UTP6: variants seen among roughly 807,000 people sequenced by gnomAD.
The protein encoded by UTP6 is UTP6 small subunit processome component, also known as U3 small nucleolar RNA-associated protein 6 homolog.
In UTP6, 60 loss-of-function variants were observed where a neutral mutation model predicts 96.5. The ratio of observed to expected loss-of-function variants is 0.62; its 90% CI spans 0.51 to 0.77. The LOEUF is 0.77. UTP6 is among the 30% of genes least tolerant of loss of function. The pLI, the probability that UTP6 is intolerant of heterozygous loss-of-function variation, is 0.00. For synonymous variants in UTP6, 215 were observed against 240.1 expected (o/e 0.90, Z 0.96); for missense variants, 637 against 706.5 (o/e 0.90, Z 1.12).
intron 2 of UTP6, among the ~76,000 whole-genome samples, chr17:31,895,313 A>G (rs1644991332): frequency 6.6e-6 from 1 of 152,200 alleles, no homozygotes; most frequent in Non-Finnish European, 1.5e-5. Context: ...ACATTGCACT[A>G]CATTTGCTTC....
At chr17:31,873,944 T>C in intron 14 of UTP6, 191 bp from the exon 15 acceptor site, 1 of 571,332 alleles carries the variant, frequency 1.8e-6, no homozygotes, top group Admixed American at 3.7e-5. Context: ...TAGGGATTCA[T>C]TCCCAAACAG....
chr17:31,863,234 T>A lies in UTP6; in HGVS notation c.*125A>T. The A allele has an allele frequency of 1.0e-6, 1 of 960,610 alleles. No homozygotes were observed. The highest frequency in any genetic ancestry group is 1.6e-6 in the Non-Finnish European group (1 of 637,328). 59.5% of individuals were successfully genotyped at this position (960,610 alleles called of 1,614,324 possible). ...AACAAGTTAACATAAAATTAAAGTG[T>A]GTCTCAAAACCAGACAGCCATCTTG... On this transcript the variant is annotated 3_prime_UTR_variant, in exon 19 of 19. Transcript: ENST00000261708.
intron 17 of UTP6, among the ~76,000 whole-genome samples, chr17:31,867,531 G>C (rs887476129): frequency 6.7e-6 from 1 of 150,044 alleles, no homozygotes; most frequent in Non-Finnish European, 1.5e-5. Context: ...AAAGTAACAT[G>C]TAAGTTTTCT....
chr17:31,882,021 G>C (rs1006908172), intron 10 of UTP6, among the ~76,000 whole-genome samples: 2 of 151,958 alleles, frequency 1.3e-5, no homozygotes, highest in African/African-American at 4.8e-5. Flanking sequence ...TCGTTTGTGT[G>C]TGTGTGTGTG....
intron 1 of UTP6, among the ~76,000 whole-genome samples, chr17:31,900,714 C>T (rs1022389199): frequency 5.3e-5 from 8 of 152,258 alleles, no homozygotes; most frequent in Admixed American, 2.0e-4. Context: ...ATCTAAATTG[C>T]GTCTGCCTTA....
rs768539788 is a variant in UTP6, at chr17:31,865,409, T to C, written c.1593A>G (p.Glu531=). 30 of 1,613,926 alleles carry C rather than the reference T, an allele frequency of 1.9e-5. No individual in the cohort carries two copies. The highest frequency in any genetic ancestry group is 2.5e-5 in the Non-Finnish European group (29 of 1,179,952). The part of the protein sequence containing the change: ...QESCNMANIR[E]YYERALREFG... ...ACTCTCTCAAAGCTCTCTCATAATATTCTCTTATGTTCGCCATATTGCAGG... is the reference window on the plus strand; with the variant it reads ...ACTCTCTCAAAGCTCTCTCATAATACTCTCTTATGTTCGCCATATTGCAGG... Residue 531 remains glutamate, a synonymous_variant, in exon 18 of 19, where the codon GAA becomes GAG. Coordinates refer to ENST00000261708, the MANE Select transcript of UTP6 (RefSeq NM_018428.3).
At chr17:31,889,214 G>GA (rs879076492) in intron 7 of UTP6, 71 bp downstream of exon 7, 2,092 of 1,187,716 alleles carry the variant, frequency 1.8e-3, no homozygotes, top group South Asian at 2.4e-3. Context: ...TTGAATCCAG[G>GA]AAAAAAAAAT....
chr17:31,867,915 C>G, intron 17 of UTP6, 131 bp downstream of exon 17: 1 of 740,852 alleles, frequency 1.3e-6, no homozygotes, highest in South Asian at 1.8e-5. Context: ...CAAGATCACG[C>G]CACTGCACTC....
At chr17:31,894,059 A>G (rs1023126857) in intron 4 of UTP6, among the ~76,000 whole-genome samples, 1 of 151,774 alleles carries the variant, frequency 6.6e-6, no homozygotes, top group Non-Finnish European at 1.5e-5. Context: ...ACTTGAGCCC[A>G]GGAGTTCGAG....
At chr17:31,894,883 A>G (rs1904542248) in intron 3 of UTP6, 87 bp downstream of exon 3, 2 of 1,340,764 alleles carry the variant, frequency 1.5e-6, no homozygotes, top group Non-Finnish European at 2.1e-6. Context: ...TTTTATCAAC[A>G]CTGTCTCCCA....
chr17:31,866,050 T>C (rs1190811625), intron 17 of UTP6, among the ~76,000 whole-genome samples: 1 of 152,044 alleles, frequency 6.6e-6, no homozygotes, highest in Non-Finnish European at 1.5e-5. Context: ...AATGTATTCT[T>C]GCCGGGCACG....
At chr17:31,890,283 A>G (rs1911414465) in intron 6 of UTP6, among the ~76,000 whole-genome samples, 1 of 151,792 alleles carries the variant, frequency 6.6e-6, no homozygotes, top group African/African-American at 2.4e-5. Flanking sequence ...GGCATAAGCC[A>G]CCGTGCCTGG....
At chr17:31,901,449 G>T in intron 1 of UTP6, 87 bp downstream of exon 1, 2 of 1,239,248 alleles carry the variant, frequency 1.6e-6, no homozygotes, top group Non-Finnish European at 1.2e-6. Context: ...AACACAGGTC[G>T]AGCGTCCCCA....
chr17:31,900,011 G>T (rs544279802), intron 1 of UTP6, among the ~76,000 whole-genome samples: 1 of 151,878 alleles, frequency 6.6e-6, no homozygotes, highest in Non-Finnish European at 1.5e-5. Flanking sequence ...GGGCGTGGTG[G>T]TGCGTGCCTG....
At chr17:31,889,553 G>C (rs1198091802) in intron 6 of UTP6, 150 bp from the exon 7 acceptor site, 1 of 541,232 alleles carries the variant, frequency 1.8e-6, no homozygotes, top group African/African-American at 2.0e-5. Flanking sequence ...CTGGAGTGCA[G>C]TGACGCAATC....
intron 5 of UTP6, 111 bp downstream of exon 5, chr17:31,892,636 C>T: frequency 7.5e-7 from 1 of 1,337,944 alleles, no homozygotes; most frequent in South Asian, 1.3e-5. Context: ...TTCTTGGGTT[C>T]TTTTTTCATG....
In UTP6 at chr17:31,875,376, G is replaced by T. The variant is rs751261814; in HGVS notation, c.1163C>A (p.Ala388Asp). Residue 388 changes from alanine (A) to aspartate (D), a missense_variant, in exon 14 of 19, where the codon GCT becomes GAT. Coordinates refer to ENST00000261708, the MANE Select transcript of UTP6 (RefSeq NM_018428.3). ...AGTTCCAGCTACTGCCACTTCCAGAGCTTCCCTCAGGAAGTTATAACACAG... is the reference window on the plus strand; with the variant it reads ...AGTTCCAGCTACTGCCACTTCCAGATCTTCCCTCAGGAAGTTATAACACAG... ...SLLCYNFLRE[A>D]LEVAVAGTEL... The T allele has an allele frequency of 6.2e-7, 1 of 1,614,162 alleles. No individual in the cohort carries two copies. The highest frequency in any genetic ancestry group is 8.5e-7 in the Non-Finnish European group (1 of 1,180,040).
At chr17:31,878,475 C>A in intron 12 of UTP6, 148 bp from the exon 13 acceptor site, 1 of 839,744 alleles carries the variant, frequency 1.2e-6, no homozygotes. Context: ...TGAATAGATG[C>A]AATGGGCAGC....
chr17:31,897,173 C>A (rs1904700824), intron 2 of UTP6, among the ~76,000 whole-genome samples: 1 of 151,940 alleles, frequency 6.6e-6, no homozygotes, highest in Non-Finnish European at 1.5e-5. Context: ...GTAGTCCTAC[C>A]TACTTGGGAG....
Sources: gnomAD v4.1 joint callset for allele counts (sites outside exome capture counted in the v4.1 genomes callset) on GRCh38, gnomAD v4.1.1 for gene constraint, MANE v1.5 for transcripts, NCBI Gene and HGNC (gene_info 2026-07-23, HGNC 2026-07-21) for gene names.